Variants in IKBKE observed in about 807,000 individuals in gnomAD.
The protein encoded by IKBKE is inhibitor of nuclear factor kappa B kinase subunit epsilon, also known as inhibitor of nuclear factor kappa-B kinase subunit epsilon.
IKBKE carries 45 observed loss-of-function variants against 92.1 expected under a neutral mutation model. The ratio of observed to expected loss-of-function variants is 0.49; its 90% CI spans 0.38 to 0.63. IKBKE has a LOEUF of 0.63. Ranked by LOEUF, IKBKE falls within the 20% of genes least tolerant of loss-of-function variation. The probability of loss-of-function intolerance (pLI) is 0.00; values close to 1 mark genes in which losing one functional copy is unlikely to be tolerated. For missense variants in IKBKE, 700 were observed against 932.8 expected, an observed-to-expected ratio of 0.75 and a Z score of 3.25; for synonymous variants, 374 against 380.3, an observed-to-expected ratio of 0.98 and a Z score of 0.19.
chr1:206,478,443 A>G lies in IKBKE; in HGVS notation c.992+104A>G. ...ACAGTACGTTCTGAGGAGTGTGTAC[A>G]TAGGAACGCTTCCAGGTCCAAACGT... On this transcript the variant is annotated intron_variant, in intron 9 of 21. Coordinates refer to ENST00000581977, the MANE Select transcript of IKBKE (RefSeq NM_014002.4). This position sits in a 1 kb window ranked among gnomAD's most constrained non-coding sequence, Gnocchi z 4.8. The G allele has an allele frequency of 3.4e-6, 4 of 1,167,896 alleles. No homozygotes were observed. Among genetic ancestry groups the G allele is most frequent in the Non-Finnish European group, 5.0e-6 (4 of 806,726 alleles). 72.3% of individuals were successfully genotyped at this position (1,167,896 alleles called of 1,614,324 possible). A position where few individuals can be genotyped will look rare whatever the true frequency, so the allele number is the denominator to read the frequency against.
At chr1:206,492,512 G>A (rs1321238771) in intron 18 of IKBKE, 1 of 471,386 alleles carries the variant, frequency 2.1e-6, no homozygotes, top group Non-Finnish European at 4.4e-6. Context: ...GGGCTTGGAT[G>A]TCAGTGTAGT....
chr1:206,490,746 C>T lies in IKBKE; in HGVS notation c.1694-73C>T, dbSNP rs1553390099. On this transcript the variant is annotated intron_variant, in intron 16 of 21. Coordinates refer to ENST00000581977, the MANE Select transcript of IKBKE (RefSeq NM_014002.4). The surrounding 1 kb of genome is among the most constrained non-coding windows in gnomAD (Gnocchi z 5.2). ...TGGGCCGTCTTCATCTTTTAACTGT[C>T]TCTCGACCTTTGCTGCACACTGTTT... 5 of 1,485,494 alleles carry T rather than the reference C, an allele frequency of 3.4e-6. No individual in the cohort carries two copies. The highest frequency in any genetic ancestry group is 4.7e-6 in the Non-Finnish European group (5 of 1,063,220). The allele number at this position is 1,485,494 out of a possible 1,614,324, so 92.0% of individuals were successfully genotyped here. A position where few individuals can be genotyped will look rare whatever the true frequency, so the allele number is the denominator to read the frequency against.
intron 16 of IKBKE, among the ~76,000 whole-genome samples, chr1:206,488,535 G>A (rs1320326723): frequency 1.3e-5 from 2 of 152,150 alleles, no homozygotes; most frequent in African/African-American, 4.8e-5. Flanking sequence ...GTGGGAAGCT[G>A]CTTGTCCAAA....
rs949604340 is a variant in IKBKE, at chr1:206,490,961, C to T, written c.1733+103C>T. On this transcript the variant is annotated intron_variant, in intron 17 of 21. Coordinates refer to ENST00000581977, the MANE Select transcript of IKBKE (RefSeq NM_014002.4). This position sits in a 1 kb window ranked among gnomAD's most constrained non-coding sequence, Gnocchi z 5.2. The stretch of plus-strand genomic sequence containing the variant: ...GGAGAGGCAGTGAAGGGCCCTGTCC[C>T]GGACTGCAGCTGAGCAGAGTTGGGG... 5.6e-6 allele frequency: 6 copies of T among 1,071,300 alleles called. No individual in the cohort carries two copies. The highest frequency in any genetic ancestry group is 1.7e-5 in the Admixed American group (1 of 57,944). The allele number at this position is 1,071,300 out of a possible 1,614,324, so 66.4% of individuals were successfully genotyped here. A position where few individuals can be genotyped will look rare whatever the true frequency, so the allele number is the denominator to read the frequency against.
At chr1:206,488,915 T>A (rs1665796841) in intron 16 of IKBKE, among the ~76,000 whole-genome samples, 3 of 152,350 alleles carry the variant, frequency 2.0e-5, no homozygotes, top group African/African-American at 7.2e-5. Flanking sequence ...TTTTAGCGTG[T>A]AATCAATATA....
At position 206,480,472 on chromosome 1, in the gene IKBKE, C is replaced by T. The variant is rs782278442; in HGVS notation, c.1366C>T (p.Arg456Trp). 20 of 1,613,610 alleles carry T rather than the reference C, an allele frequency of 1.2e-5. No individual in the cohort carries two copies. Among genetic ancestry groups the T allele is most frequent in the East Asian group, 4.5e-5 (2 of 44,884 alleles). Reference protein sequence around the residue: ...VMEVLQATCRRTLEVARTSLL... With the variant: ...VMEVLQATCRWTLEVARTSLL... The stretch of plus-strand genomic sequence containing the variant: ...GGAGGTGCTCCAGGCCACATGCAGA[C>T]GGACTCTGGAAGTGGCAAGGACATC... Residue 456 changes from arginine (R) to tryptophan (W), a missense_variant, in exon 13 of 22, where the codon CGG (arginine) becomes TGG (tryptophan). Coordinates refer to ENST00000581977, the MANE Select transcript of IKBKE (RefSeq NM_014002.4).
rs782103435 is a variant in IKBKE at position 206,476,820 on chromosome 1, G to A, written c.683G>A (p.Arg228Gln). The change falls in exon 7 of 22, where the codon CGG becomes CAG. Residue 228 changes from arginine to glutamine, a missense_variant. Transcript: ENST00000581977. This position sits in a 1 kb window ranked among gnomAD's most constrained non-coding sequence, Gnocchi z 5.1. ...SLPFIPFGGP[R>Q]RNKEIMYRIT... The stretch of plus-strand genomic sequence containing the variant: ...CCCTTCATCCCCTTTGGTGGGCCAC[G>A]GCGGAACAAGGAGATCATGTACGGT... The A allele has an allele frequency of 8.1e-6, 13 of 1,614,078 alleles. No individual in the cohort carries two copies. In the East Asian group the frequency reaches 8.9e-5, roughly 11 times the overall value.
intron 17 of IKBKE, chr1:206,491,402 C>A (rs1665947622): frequency 2.2e-6 from 1 of 445,550 alleles, no homozygotes; most frequent in Non-Finnish European, 4.2e-6. Context: ...ATGTGTGTTC[C>A]CTGAGGACCC....
Position 206,491,732 on chromosome 1 carries a change from A to G in IKBKE, c.1818A>G (p.Thr606=). The G allele has an allele frequency of 6.2e-7, 1 of 1,612,798 alleles. No individual in the cohort carries two copies. Among genetic ancestry groups the G allele is most frequent in the Non-Finnish European group, 8.5e-7 (1 of 1,179,118 alleles). Residue 606 remains threonine, a synonymous_variant, in exon 18 of 22, where the codon ACA becomes ACG. Transcript: ENST00000581977. ...AGAAGTATCAAGCGTCCTTAGTCAC[A>G]CACGGCAAGAGGATGAGGTAACAGC... The part of the protein sequence containing the change: ...CVQKYQASLV[T]HGKRMRVVHE...
At chr1:206,495,941 G>A (rs1553391972) in intron 21 of IKBKE, among the ~76,000 whole-genome samples, 171 bp from the exon 22 acceptor site, 1 of 152,174 alleles carries the variant, frequency 6.6e-6, no homozygotes, top group Non-Finnish European at 1.5e-5. Context: ...CCAACATATA[G>A]TCAGAGGCGA....
intron 13 of IKBKE, among the ~76,000 whole-genome samples, chr1:206,481,941 G>A (rs1206510465): frequency 1.3e-5 from 2 of 151,642 alleles, no homozygotes; most frequent in East Asian, 1.9e-4. Flanking sequence ...CACTACGCCC[G>A]GCTAATTTTT....
At chr1:206,488,140 G>A (rs555353621) in intron 16 of IKBKE, 150 bp downstream of exon 16, 10 of 652,564 alleles carry the variant, frequency 1.5e-5, no homozygotes, top group Admixed American at 4.6e-5. Flanking sequence ...CCCACTAAGC[G>A]GATGGTTCTG....
intron 16 of IKBKE, among the ~76,000 whole-genome samples, chr1:206,488,206 G>T (rs1380905653): frequency 6.6e-6 from 1 of 152,244 alleles, no homozygotes. Flanking sequence ...GGCCAGTGGG[G>T]GACATGAAAC....
chr1:206,473,174 C>T (rs1664870624), intron 2 of IKBKE, 22 bp from the exon 3 acceptor site: 3 of 1,430,498 alleles, frequency 2.1e-6, no homozygotes, highest in Non-Finnish European at 2.9e-6. Flanking sequence ...AATCCTGGGC[C>T]CCCAGCATGC....
chr1:206,476,395 G>T lies in IKBKE; in HGVS notation c.540+33G>T. 1 of 1,574,464 alleles carries T rather than the reference G, an allele frequency of 6.4e-7. No homozygotes were observed. The highest frequency in any genetic ancestry group is 8.6e-7 in the Non-Finnish European group (1 of 1,156,138). On this transcript the variant is annotated intron_variant, in intron 6 of 21. Coordinates refer to ENST00000581977, the MANE Select transcript of IKBKE (RefSeq NM_014002.4). The surrounding 1 kb of genome is among the most constrained non-coding windows in gnomAD (Gnocchi z 5.1). ...AGCTGCTCGAGACCCGCTGCCCTAT[G>T]CTGAGGGCTCCCCTTGCCTTGTGAG...
chr1:206,476,145 C>A lies in IKBKE; in HGVS notation c.359-36C>A, dbSNP rs781861982. The A allele has an allele frequency of 6.2e-7, 1 of 1,609,758 alleles. No homozygotes were observed. The highest frequency in any genetic ancestry group is 8.5e-7 in the Non-Finnish European group (1 of 1,177,354). Reference sequence around the variant, plus strand: ...GCCTCAGACACTAGACTGTCCCCGACCAGAGCCAGCTAGTGGCCTCCCCGT... The same window carrying A: ...GCCTCAGACACTAGACTGTCCCCGAACAGAGCCAGCTAGTGGCCTCCCCGT... On this transcript the variant is annotated intron_variant, in intron 5 of 21. Coordinates refer to ENST00000581977, the MANE Select transcript of IKBKE (RefSeq NM_014002.4). This position sits in a 1 kb window ranked among gnomAD's most constrained non-coding sequence, Gnocchi z 5.1.
chr1:206,491,403 C>T, intron 17 of IKBKE: 1 of 447,288 alleles, frequency 2.2e-6, no homozygotes, highest in Non-Finnish European at 4.2e-6. Context: ...TGTGTGTTCC[C>T]TGAGGACCCC....
rs781799464 is a variant in IKBKE at position 206,474,972 on chromosome 1, C to T, written c.336C>T (p.Phe112=). Residue 112 remains phenylalanine, a synonymous_variant, in exon 5 of 22, where the codon TTC becomes TTT. Transcript: ENST00000581977. ...ENAFGLPEDE[F]LVVLRCVVAG... The stretch of plus-strand genomic sequence containing the variant: ...CCTTTGGGCTGCCTGAGGATGAGTT[C>T]CTGGTGGTGCTGCGCTGTGTGGGTG... The T allele has an allele frequency of 1.9e-6, 3 of 1,614,032 alleles. No homozygotes were observed. Among genetic ancestry groups the T allele is most frequent in the Admixed American group, 1.7e-5 (1 of 60,010 alleles).
chr1:206,480,520 C>T lies in IKBKE; in HGVS notation c.1414C>T (p.Leu472=), dbSNP rs143605003. The T allele has an allele frequency of 2.5e-6, 4 of 1,613,294 alleles. No homozygotes were observed. The African/African-American group carries it at 5.3e-5, about 22-fold the overall frequency. Residue 472 remains leucine (L), a synonymous_variant, in exon 13 of 22, where the codon CTG becomes TTG. Transcript: ENST00000581977. The stretch of plus-strand genomic sequence containing the variant: ...ATCCCTCCTCTACCTCAGCAGCAGC[C>T]TGGGAACTGAGAGGTGGGTGTTCGC... ...RTSLLYLSSS[L]GTERFSSVAG...
Sources: allele counts gnomAD v4.1 joint callset (sites outside exome capture counted in the v4.1 genomes callset), GRCh38; gene constraint gnomAD v4.1.1; non-coding constraint Gnocchi (gnomAD v3.1); transcripts MANE v1.5; gene names NCBI Gene and HGNC (gene_info 2026-07-23, HGNC 2026-07-21).